Variants in DIS3 observed in about 807,000 individuals in gnomAD.
The protein encoded by DIS3 is exosome complex exonuclease RRP44.
DIS3 carries 103 observed loss-of-function variants against 113.0 expected under a neutral mutation model. That is an observed-to-expected ratio of 0.91 (90% confidence interval 0.78 to 1.07). The LOEUF is 1.07. Ranked by LOEUF, DIS3 falls within the 50% of genes least tolerant of loss-of-function variation. The probability of loss-of-function intolerance (pLI) is 0.00; values close to 1 mark genes in which losing one functional copy is unlikely to be tolerated. For missense variants in DIS3, 1,121 were observed against 1,167.1 expected (o/e 0.96, Z 0.58); for synonymous variants, 402 against 394.3 (o/e 1.02, Z -0.23).
intron 2 of DIS3, 25 bp from the exon 3 acceptor site, chr13:72,778,405 A>G (rs779974405): frequency 1.3e-6 from 2 of 1,527,894 alleles, no homozygotes; most frequent in Admixed American, 3.7e-5. Flanking sequence ...AAAACGAAAT[A>G]AAAGGAAATC....
chr13:72,761,672 G>C lies in DIS3; in HGVS notation c.2485C>G (p.Arg829Gly). 2 of 1,610,968 alleles carry C rather than the reference G, an allele frequency of 1.2e-6. No homozygotes were observed. Among genetic ancestry groups the C allele is most frequent in the Non-Finnish European group, 1.7e-6 (2 of 1,179,278 alleles). ...FRHKMAQYAQ[R>G]ASVAFHTQLF... ...TGGGTATGAAAAGCCACTGATGCACGTTGGGCATATTGAGCCATTTTGTGC... is the reference window on the plus strand; with the variant it reads ...TGGGTATGAAAAGCCACTGATGCACCTTGGGCATATTGAGCCATTTTGTGC... Residue 829 changes from arginine to glycine, a missense_variant, in exon 18 of 21, where the codon CGT (arginine) becomes GGT (glycine). Physicochemically the swap from Arg to Gly is moderately radical, Grantham distance 125. Transcript: ENST00000377767.
chr13:72,778,174 C>T lies in DIS3; in HGVS notation c.580+13G>A. On this transcript the variant is annotated intron_variant, in intron 3 of 20. Transcript: ENST00000377767. ...TGCAAACATGCACTAAGTACTTCTA[C>T]ATTTAGACTTACAAGTGAAAGCTGG... 1.3e-6 allele frequency: 2 copies of T among 1,563,466 alleles called. No homozygotes were observed. The highest frequency in any genetic ancestry group is 1.2e-5 in the South Asian group (1 of 86,006).
chr13:72,753,985 T>C lies in DIS3; in HGVS notation c.*5810A>G, dbSNP rs186963145. 1,526 of 697,434 alleles carry C rather than the reference T, an allele frequency of 2.2e-3. 1 individual carries two copies. Among genetic ancestry groups the C allele is most frequent in the Non-Finnish European group, 3.3e-3 (1,422 of 434,980 alleles). 43.2% of individuals were successfully genotyped at this position (697,434 alleles called of 1,614,324 possible). On this transcript the variant is annotated 3_prime_UTR_variant, in exon 21 of 21. Transcript: ENST00000377767. ...AATAACCTTTAAATATTTTGGTTAC[T>C]CTGAATACACAAGTATCTTACATAC... is the stretch of plus-strand genomic sequence containing the variant.
intron 16 of DIS3, 28 bp downstream of exon 16, chr13:72,763,423 G>C: frequency 6.4e-7 from 1 of 1,573,134 alleles, no homozygotes; most frequent in Non-Finnish European, 8.6e-7. Flanking sequence ...AACACAAATA[G>C]ATGATTTTTC....
Position 72,777,620 on chromosome 13 carries a change from CT to C in DIS3, c.581-128del, listed in dbSNP as rs2034048368. 2.9e-5 allele frequency: 23 copies of C among 792,948 alleles called. No individual in the cohort carries two copies. The South Asian group carries it at 3.7e-4, about 13-fold the overall frequency. 49.1% of individuals were successfully genotyped at this position (792,948 alleles called of 1,614,324 possible). A position where few individuals can be genotyped will look rare whatever the true frequency, so the allele number is the denominator to read the frequency against. ...TCATTGAGACACACTGAGAGTCTCA[CT>C]CTGTCTCTCAGGCTGGAGTGCAGCG... On this transcript the variant is annotated intron_variant, in intron 3 of 20. Coordinates refer to ENST00000377767, the MANE Select transcript of DIS3 (RefSeq NM_014953.5).
intron 8 of DIS3, among the ~76,000 whole-genome samples, chr13:72,773,202 T>C (rs577433529): frequency 6.6e-6 from 1 of 152,184 alleles, no homozygotes; most frequent in Admixed American, 6.5e-5. Flanking sequence ...GCCAGGCACA[T>C]TGGCTCATGC....
chr13:72,778,765 A>G (rs1028546575), intron 2 of DIS3, among the ~76,000 whole-genome samples: 27 of 152,184 alleles, frequency 1.8e-4, no homozygotes, highest in African/African-American at 6.5e-4. Flanking sequence ...GGTTAATAGC[A>G]ATTCCTAAAA....
At chr13:72,773,354 C>T (rs980059446) in intron 8 of DIS3, among the ~76,000 whole-genome samples, 34 of 152,004 alleles carry the variant, frequency 2.2e-4, no homozygotes, top group African/African-American at 7.7e-4. Flanking sequence ...CCCAGCTAAT[C>T]GGGAGGCTGA....
At chr13:72,778,126 TA>T (rs2034064934) in intron 3 of DIS3, 60 bp downstream of exon 3, 3 of 1,394,970 alleles carry the variant, frequency 2.2e-6, no homozygotes, top group Non-Finnish European at 2.9e-6. Context: ...ACTATAGGCC[TA>T]ATGATTATTT....
At chr13:72,780,196 C>T (rs770939454) in intron 2 of DIS3, among the ~76,000 whole-genome samples, 2 of 151,566 alleles carry the variant, frequency 1.3e-5, no homozygotes, top group African/African-American at 4.9e-5. Flanking sequence ...CATAGTGGTG[C>T]GTGACTGTAA....
intron 14 of DIS3, 25 bp from the exon 15 acceptor site, chr13:72,766,083 T>A: frequency 4.5e-6 from 7 of 1,565,970 alleles, no homozygotes; most frequent in Non-Finnish European, 6.1e-6. Context: ...AAGAGAAAAA[T>A]TATAGTCAAG....
rs773100291 is a variant in DIS3 at position 72,777,456 on chromosome 13, T to C, written c.618A>G (p.Glu206=). The change falls in exon 4 of 21, where the codon GAA becomes GAG. Residue 206 remains glutamate (E), a synonymous_variant. Transcript: ENST00000377767. ...ACAAACAAGCAAGACGATCTATGAG[T>C]TCGGGGTTAGCAGTTAGGCTCTTTA... The part of the protein sequence containing the change: ...EYVKSLTANP[E]LIDRLACLSE... The C allele has an allele frequency of 1.2e-6, 2 of 1,614,066 alleles. No individual in the cohort carries two copies. Among genetic ancestry groups the C allele is most frequent in the Admixed American group, 3.3e-5 (2 of 60,010 alleles).
At position 72,758,965 on chromosome 13, in the gene DIS3, ATACT is replaced by A; in HGVS notation, c.*826_*829del. 5.6e-6 allele frequency: 1 copy of A among 179,952 alleles called. No individual in the cohort carries two copies. Among genetic ancestry groups the A allele is most frequent in the East Asian group, 9.3e-5 (1 of 10,794 alleles). The allele number at this position is 179,952 out of a possible 1,614,324, so 11.1% of individuals were successfully genotyped here. On this transcript the variant is annotated 3_prime_UTR_variant, in exon 21 of 21. Coordinates refer to ENST00000377767, the MANE Select transcript of DIS3 (RefSeq NM_014953.5). Reference sequence around the variant, plus strand: ...TCTGGCACACCAAATTTTATTAATAATACTTATTTTAATCTGTTCCCTTTAGTAT... The same window carrying A: ...TCTGGCACACCAAATTTTATTAATAATATTTTAATCTGTTCCCTTTAGTAT...
intron 15 of DIS3, among the ~76,000 whole-genome samples, chr13:72,764,614 T>A (rs963782844): frequency 2.6e-5 from 4 of 152,242 alleles, no homozygotes; most frequent in African/African-American, 9.6e-5. Flanking sequence ...GTTATTCACA[T>A]ACATTTTTCG....
At position 72,769,215 on chromosome 13, in the gene DIS3, G is replaced by T. The variant is rs142065342; in HGVS notation, c.1756-303C>A. 8.5e-3 allele frequency among the ~76,000 whole-genome samples: 1,295 copies of T among 152,214 alleles called. 65 individuals are homozygous for T. Among genetic ancestry groups the T allele is most frequent in the East Asian group, 9.5e-3 (49 of 5,182 alleles). ...ATTACTGTATAAATACCCAGATAAT[G>T]CTAAAATAAAACACAAAGGTAGGTT... On this transcript the variant is annotated intron_variant, in intron 13 of 20. Transcript: ENST00000377767.
rs148011521 is a variant in DIS3, at chr13:72,755,120, T to C, written c.*4675A>G. ...CATCCTCCAGTGGTCCTACTTAAAC[T>C]GAAAACAAGGTATTGTCTTCTTTTT... On this transcript the variant is annotated 3_prime_UTR_variant, in exon 21 of 21. Coordinates refer to ENST00000377767, the MANE Select transcript of DIS3 (RefSeq NM_014953.5). The C allele has an allele frequency of 1.0e-3, 1,668 of 1,600,454 alleles. 17 individuals are homozygous for C. The African/African-American group carries it at 0.018, about 17-fold the overall frequency.
chr13:72,762,408 T>C (rs1040337537), intron 16 of DIS3, among the ~76,000 whole-genome samples: 1 of 152,066 alleles, frequency 6.6e-6, no homozygotes, highest in African/African-American at 2.4e-5. Flanking sequence ...TTGGAAGAAA[T>C]AAGACAATGA....
In DIS3 at chr13:72,761,516, G is replaced by T; in HGVS notation, c.2517C>A (p.Phe839Leu). The part of the protein sequence containing the change: ...RASVAFHTQL[F>L]FKSKGIVSEE... ...CACTTACTATTCCTTTGCTTTTGAAGAATAACTGTAAAATAACATACAACT... is the reference window on the plus strand; with the variant it reads ...CACTTACTATTCCTTTGCTTTTGAATAATAACTGTAAAATAACATACAACT... The change falls in exon 19 of 21, where the codon TTC (phenylalanine) becomes TTA (leucine). Residue 839 changes from phenylalanine (F) to leucine (L), a missense_variant. By Grantham distance (22) the Phe-to-Leu change is conservative. Transcript: ENST00000377767. The T allele has an allele frequency of 6.4e-7, 1 of 1,572,496 alleles. No individual in the cohort carries two copies. Among genetic ancestry groups the T allele is most frequent in the Non-Finnish European group, 8.6e-7 (1 of 1,165,892 alleles).
rs1472047383 is a variant in DIS3 at position 72,777,434 on chromosome 13, A to G, written c.640T>C (p.Leu214=). The part of the protein sequence containing the change: ...NPELIDRLAC[L]SEEGNEIESG... Reference sequence around the variant, plus strand: ...CAAAAACATACCCCTTCTTCAGACAAACAAGCAAGACGATCTATGAGTTCG... The same window carrying G: ...CAAAAACATACCCCTTCTTCAGACAGACAAGCAAGACGATCTATGAGTTCG... The change falls in exon 4 of 21, where the codon TTG becomes CTG. Residue 214 remains leucine, a synonymous_variant. Transcript: ENST00000377767. The G allele has an allele frequency of 3.7e-6, 6 of 1,614,008 alleles. No homozygotes were observed. The highest frequency in any genetic ancestry group is 5.1e-6 in the Non-Finnish European group (6 of 1,180,004).
Sources: gnomAD v4.1 joint callset for allele counts (sites outside exome capture counted in the v4.1 genomes callset) on GRCh38, gnomAD v4.1.1 for gene constraint, MANE v1.5 for transcripts, NCBI Gene and HGNC (gene_info 2026-07-23, HGNC 2026-07-21) for gene names.